Variants in ANKRD11 observed in about 807,000 individuals in gnomAD.
The protein encoded by ANKRD11 is ankyrin repeat domain 11.
Under a neutral mutation model 195.7 loss-of-function variants are expected in ANKRD11, and 17 were observed. That is an observed-to-expected ratio of 0.09 (90% CI 0.06 to 0.13). The LOEUF (loss-of-function observed/expected upper bound fraction) is 0.13. ANKRD11 is among the 10% of genes least tolerant of loss of function. The probability of loss-of-function intolerance (pLI) is 1.00; values close to 1 mark genes in which losing one functional copy is unlikely to be tolerated. For synonymous variants in ANKRD11, 1,953 were observed against 1,528.1 expected, an observed-to-expected ratio of 1.28 and a Z score of -6.49; for missense variants, 3,735 against 3,566.1, an observed-to-expected ratio of 1.05 and a Z score of -1.21.
intron 1 of ANKRD11, among the ~76,000 whole-genome samples, chr16:89,462,251 G>C (rs1298359630): frequency 6.6e-6 from 1 of 152,214 alleles, no homozygotes; most frequent in Non-Finnish European, 1.5e-5. Flanking sequence ...GACTGGTTTT[G>C]GTGGAGACGG....
intron 4 of ANKRD11, chr16:89,301,703 C>G: frequency 2.5e-6 from 1 of 398,706 alleles, no homozygotes; most frequent in Non-Finnish European, 4.4e-6. Context: ...GGCTGCTGTG[C>G]AGGGACCACG....
At chr16:89,379,046 G>A (rs1207749453) in intron 2 of ANKRD11, among the ~76,000 whole-genome samples, 2 of 152,198 alleles carry the variant, frequency 1.3e-5, no homozygotes, top group Non-Finnish European at 2.9e-5. Flanking sequence ...ATTCACTGTC[G>A]CTTAGAACTG....
intron 2 of ANKRD11, among the ~76,000 whole-genome samples, chr16:89,386,453 C>T (rs9924328): frequency 3.3e-5 from 5 of 152,180 alleles, no homozygotes; most frequent in Non-Finnish European, 5.9e-5. Context: ...TAGCAAGAGG[C>T]CCTCTTTTCT....
intron 2 of ANKRD11, among the ~76,000 whole-genome samples, chr16:89,374,274 T>A (rs143659189): frequency 5.8e-4 from 88 of 152,280 alleles, no homozygotes; most frequent in African/African-American, 2.0e-3. Context: ...AGTAATTCTC[T>A]TCACTTAAAA....
chr16:89,444,608 C>T (rs970844925), intron 1 of ANKRD11, among the ~76,000 whole-genome samples: 2 of 152,070 alleles, frequency 1.3e-5, no homozygotes, highest in African/African-American at 4.8e-5. Flanking sequence ...AAAAGAAAAG[C>T]TATCATGAGC....
chr16:89,460,976 C>A (rs2056636016), intron 1 of ANKRD11, among the ~76,000 whole-genome samples: 1 of 113,378 alleles, frequency 8.8e-6, no homozygotes, highest in Non-Finnish European at 1.8e-5. Flanking sequence ...ATGACCCCCC[C>A]CCCCAACAGG....
At chr16:89,271,142 G>T in intron 11 of ANKRD11, 2 of 580,054 alleles carry the variant, frequency 3.4e-6, no homozygotes, top group South Asian at 3.7e-5. Flanking sequence ...TGTCTCCTGG[G>T]CACCGGGTGC....
chr16:89,295,332 T>C (rs1476535508), intron 4 of ANKRD11, among the ~76,000 whole-genome samples: 1 of 152,208 alleles, frequency 6.6e-6, no homozygotes, highest in Admixed American at 6.5e-5. Flanking sequence ...ATGTTGGCGG[T>C]GGCACCTGTG....
At chr16:89,434,949 A>C (rs9931120) in intron 1 of ANKRD11, among the ~76,000 whole-genome samples, 5 of 152,026 alleles carry the variant, frequency 3.3e-5, no homozygotes, top group African/African-American at 9.7e-5. Context: ...AGCAGGGCGC[A>C]GGCCCAGGTG....
In ANKRD11 at chr16:89,288,612, C is replaced by G. The variant is rs1378250722; in HGVS notation, c.660G>C (p.Leu220=). The change falls in exon 7 of 13, where the codon CTG becomes CTC. Residue 220 remains leucine (L), a synonymous_variant. Transcript: ENST00000301030. ...NRGYYDVAKQ[L]LAAGAEVNTK... ...TGTTCACCTCCGCACCTGCAGCCAG[C>G]AGCTGCTTCGCGACGTCGTAGTAGC... 2 of 1,614,116 alleles carry G rather than the reference C, an allele frequency of 1.2e-6. No homozygotes were observed. Among genetic ancestry groups the G allele is most frequent in the Admixed American group, 3.3e-5 (2 of 60,030 alleles).
rs78948906 is a variant in ANKRD11, at chr16:89,460,809, A to T, written c.-145+29436T>A. On this transcript the variant is annotated intron_variant, in intron 1 of 12. Coordinates refer to ENST00000301030, the MANE Select transcript of ANKRD11 (RefSeq NM_013275.6). ...AATTGAGGAATCTGAGCTGTGGGGC[A>T]AACTGTTCAAATGAAGATTCTGACC... Among the ~76,000 whole-genome samples the T allele has an allele frequency of 7.2e-3, 1,093 of 152,308 alleles. 16 individuals carry two copies. The highest frequency in any genetic ancestry group is 0.028 in the Admixed American group (434 of 15,302).
intron 2 of ANKRD11, among the ~76,000 whole-genome samples, chr16:89,385,845 C>A (rs545838478): frequency 2.0e-5 from 3 of 152,362 alleles, no homozygotes; most frequent in East Asian, 3.9e-4. Context: ...TTAGGCCAGA[C>A]ACCAGCGGCT....
In ANKRD11 at chr16:89,398,394, T is replaced by C. The variant is rs7192011; in HGVS notation, c.-60+19890A>G. 2.6e-3 allele frequency among the ~76,000 whole-genome samples: 210 copies of C among 80,394 alleles called. 19 individuals are homozygous for C. Among genetic ancestry groups the C allele is most frequent in the East Asian group, 0.011 (28 of 2,550 alleles). 52.7% of individuals were successfully genotyped at this position (80,394 alleles called of 152,430 possible). A position where few individuals can be genotyped will look rare whatever the true frequency, so the allele number is the denominator to read the frequency against. ...AGGGACGCTGTGAAACAGATGAAGATTACCTGTGATCTCAGCACTCTGGGA... is the reference window on the plus strand; with the variant it reads ...AGGGACGCTGTGAAACAGATGAAGACTACCTGTGATCTCAGCACTCTGGGA... On this transcript the variant is annotated intron_variant, in intron 2 of 12. Transcript: ENST00000301030.
chr16:89,356,545 G>A (rs1485812611), intron 2 of ANKRD11, among the ~76,000 whole-genome samples: 1 of 151,658 alleles, frequency 6.6e-6, no homozygotes, highest in East Asian at 1.9e-4. Context: ...GCCGAGGCGG[G>A]CGGATCACGA....
At chr16:89,336,487 G>A (rs1208246725) in intron 2 of ANKRD11, among the ~76,000 whole-genome samples, 2 of 152,242 alleles carry the variant, frequency 1.3e-5, no homozygotes, top group African/African-American at 4.8e-5. Flanking sequence ...AGTCCAGGAG[G>A]ACTCCTGTAG....
intron 2 of ANKRD11, among the ~76,000 whole-genome samples, chr16:89,397,374 G>C (rs995806092): frequency 6.6e-6 from 1 of 152,238 alleles, no homozygotes; most frequent in African/African-American, 2.4e-5. Context: ...CAAAATCTGA[G>C]TTTTCTCAAA....
chr16:89,369,680 G>A (rs541764479), intron 2 of ANKRD11, among the ~76,000 whole-genome samples: 4 of 152,316 alleles, frequency 2.6e-5, no homozygotes, highest in South Asian at 2.1e-4. Flanking sequence ...TTAAGGTCCC[G>A]ACTGTGGGAC....
At chr16:89,424,268 C>T (rs189005570) in intron 1 of ANKRD11, among the ~76,000 whole-genome samples, 1 of 152,100 alleles carries the variant, frequency 6.6e-6, no homozygotes, top group East Asian at 1.9e-4. Context: ...ATGGAGAAAC[C>T]CCGTCTGTAC....
chr16:89,321,405 T>G (rs909910362), intron 2 of ANKRD11, among the ~76,000 whole-genome samples: 1 of 39,598 alleles, frequency 2.5e-5, no homozygotes, highest in African/African-American at 9.8e-5. Context: ...GGCGGGACTG[T>G]GGGGAGGGGA....
Sources: allele counts gnomAD v4.1 joint callset (sites outside exome capture counted in the v4.1 genomes callset), GRCh38; gene constraint gnomAD v4.1.1; transcripts MANE v1.5; gene names NCBI Gene and HGNC (gene_info 2026-07-23, HGNC 2026-07-21).